The following WDR76 variants were observed in gnomAD, a reference collection of about 807,000 sequenced individuals.
The protein encoded by WDR76 is WD repeat domain 76.
A neutral mutation model predicts 70.2 loss-of-function variants in WDR76; 52 were observed. That is an observed-to-expected ratio of 0.74 (90% confidence interval 0.59 to 0.93). WDR76 has a LOEUF of 0.93. WDR76 is among the 40% of genes least tolerant of loss of function. The pLI, the probability that WDR76 is intolerant of heterozygous loss-of-function variation, is 0.00. For missense variants in WDR76, 756 were observed against 760.2 expected, an observed-to-expected ratio of 0.99 and a Z score of 0.07; for synonymous variants, 292 against 271.1, an observed-to-expected ratio of 1.08 and a Z score of -0.76.
rs67060323 is a variant in WDR76 at position 43,835,660 on chromosome 15, C to CT, written c.553-486dup. ...GATTCTAAGGCATTATTTTTTTTGT[C>CT]TTTTTTTTTTTTTTTGAGACGGAGT... On this transcript the variant is annotated intron_variant, in intron 3 of 12. Transcript: ENST00000263795. Among the ~76,000 whole-genome samples, 712 of 140,692 alleles carry CT rather than the reference C, an allele frequency of 5.1e-3. 3 individuals are homozygous for CT. Among genetic ancestry groups the CT allele is most frequent in the African/African-American group, 0.014 (525 of 38,396 alleles). The allele number at this position is 140,692 out of a possible 152,430, so 92.3% of individuals were successfully genotyped here. A position where few individuals can be genotyped will look rare whatever the true frequency, so the allele number is the denominator to read the frequency against.
chr15:43,862,308 A>T (rs1211926097), intron 12 of WDR76, among the ~76,000 whole-genome samples: 56 of 56,906 alleles, frequency 9.8e-4, no homozygotes, highest in East Asian at 1.9e-3. Flanking sequence ...CAGGTCCACA[A>T]TTTTTTTTTT....
intron 2 of WDR76, among the ~76,000 whole-genome samples, chr15:43,828,761 CATAA>C (rs1019161646): frequency 1.3e-5 from 2 of 152,034 alleles, no homozygotes; most frequent in African/African-American, 4.8e-5. Context: ...GGTAGGGAAA[CATAA>C]ATTGATTCTA....
In WDR76 at chr15:43,855,160, A is replaced by T. The variant is rs185095245; in HGVS notation, c.1192-1786A>T. 2.6e-5 allele frequency among the ~76,000 whole-genome samples: 4 copies of T among 152,320 alleles called. No homozygotes were observed. The East Asian group carries it at 7.7e-4, about 29-fold the overall frequency. ...TTTTACCTAGAGTAACAGTTTTAAG[A>T]TGCGTTCATGCTATTGCATATATTC... On this transcript the variant is annotated intron_variant, in intron 9 of 12. Transcript: ENST00000263795.
At chr15:43,845,421 G>A (rs1020079429) in intron 8 of WDR76, among the ~76,000 whole-genome samples, 5 of 150,070 alleles carry the variant, frequency 3.3e-5, no homozygotes, top group African/African-American at 1.2e-4. Flanking sequence ...AGAAACCCAG[G>A]AGAGACCACT....
chr15:43,866,136 CTT>C lies in WDR76; in HGVS notation c.1627_1628del (p.Phe543HisfsTer15), dbSNP rs1304889854. 1.2e-6 allele frequency: 2 copies of C among 1,614,158 alleles called. No homozygotes were observed. The highest frequency in any genetic ancestry group is 1.7e-6 in the Non-Finnish European group (2 of 1,179,976). ...ATTGTTTTCCTCACTAGGCACAACA[CTT>C]TCACTGGGCGATGGCTGACCAGGTT... is the stretch of plus-strand genomic sequence containing the variant. On this transcript the variant is annotated frameshift_variant, in exon 13 of 13. Coordinates refer to ENST00000263795, the MANE Select transcript of WDR76 (RefSeq NM_024908.4). LOFTEE classifies it high-confidence loss of function.
intron 4 of WDR76, 117 bp downstream of exon 4, chr15:43,836,333 A>G: frequency 1.3e-6 from 1 of 786,522 alleles, no homozygotes. Context: ...ATTTAATCTC[A>G]GTCCCTCTAG....
intron 6 of WDR76, 23 bp downstream of exon 6, chr15:43,842,539 G>A (rs1182048291): frequency 1.9e-5 from 30 of 1,608,734 alleles, no homozygotes; most frequent in Admixed American, 3.4e-5. Context: ...AAGGCCAATA[G>A]CCTTTAGAAT....
intron 1 of WDR76, among the ~76,000 whole-genome samples, chr15:43,827,757 G>C (rs772052581): frequency 3.3e-5 from 5 of 152,134 alleles, no homozygotes; most frequent in African/African-American, 2.4e-5. Flanking sequence ...ATGTTAGCCA[G>C]GATGGTCTCG....
intron 8 of WDR76, among the ~76,000 whole-genome samples, chr15:43,848,864 G>T (rs1230068461): frequency 6.6e-6 from 1 of 151,986 alleles, no homozygotes; most frequent in Non-Finnish European, 1.5e-5. Context: ...CTTGAACCCG[G>T]GAGGCAGAGG....
intron 2 of WDR76, among the ~76,000 whole-genome samples, chr15:43,829,757 C>T (rs998675213): frequency 6.6e-6 from 1 of 151,908 alleles, no homozygotes; most frequent in Non-Finnish European, 1.5e-5. Context: ...CCGCCCGCCT[C>T]GGCCTCCCAA....
At chr15:43,834,044 C>A (rs925740605) in intron 2 of WDR76, among the ~76,000 whole-genome samples, 1 of 152,092 alleles carries the variant, frequency 6.6e-6, no homozygotes, top group African/African-American at 2.4e-5. Flanking sequence ...TTTGTCTTTT[C>A]TGTTCATGTG....
intron 2 of WDR76, among the ~76,000 whole-genome samples, chr15:43,834,755 C>T (rs1301381066): frequency 2.0e-5 from 3 of 152,078 alleles, no homozygotes; most frequent in Non-Finnish European, 4.4e-5. Flanking sequence ...CCAAAAATAA[C>T]TTTTGTGTAA....
chr15:43,866,228 C>T lies in WDR76; in HGVS notation c.1717C>T (p.Arg573Trp), dbSNP rs2088068548. Reference protein sequence around the residue: ...VIVGSMAHPRRVEIFHETGKR... With the variant: ...VIVGSMAHPRWVEIFHETGKR... Reference sequence around the variant, plus strand: ...AGTTGGCAGCATGGCCCATCCACGACGGGTAGAAATCTTCCATGAGACAGG... The same window carrying T: ...AGTTGGCAGCATGGCCCATCCACGATGGGTAGAAATCTTCCATGAGACAGG... Residue 573 changes from arginine to tryptophan, a missense_variant, in exon 13 of 13, where the codon CGG becomes TGG. Arg to Trp is a moderately radical substitution (Grantham distance 101). Transcript: ENST00000263795. 1.8e-5 allele frequency: 29 copies of T among 1,614,136 alleles called. No homozygotes were observed. Among genetic ancestry groups the T allele is most frequent in the Non-Finnish European group, 2.3e-5 (27 of 1,180,026 alleles).
At chr15:43,849,501 TCA>T (rs1280038500) in intron 8 of WDR76, among the ~76,000 whole-genome samples, 1 of 152,212 alleles carries the variant, frequency 6.6e-6, no homozygotes, top group Admixed American at 6.5e-5. Flanking sequence ...GTCTATAATC[TCA>T]GTGTTTCAAT....
At chr15:43,830,290 C>T (rs1191512481) in intron 2 of WDR76, among the ~76,000 whole-genome samples, 1 of 151,912 alleles carries the variant, frequency 6.6e-6, no homozygotes, top group African/African-American at 2.4e-5. Flanking sequence ...AAGTCAGGCT[C>T]GGTGGCTCAC....
Position 43,846,280 on chromosome 15 carries a change from CTT to C in WDR76, c.1032+2239_1032+2240del, listed in dbSNP as rs36022657. ...GAACTGGAGAAGCATTGGATAGAGA[CTT>C]TTTTTTTTTTTTCCCGCCCCTGAGA... On this transcript the variant is annotated intron_variant, in intron 8 of 12. Transcript: ENST00000263795. Among the ~76,000 whole-genome samples the C allele has an allele frequency of 2.1e-3, 287 of 139,094 alleles. 9 individuals carry two copies. The highest frequency in any genetic ancestry group is 2.8e-3 in the Admixed American group (39 of 14,054). 91.3% of individuals were successfully genotyped at this position (139,094 alleles called of 152,430 possible). A position where few individuals can be genotyped will look rare whatever the true frequency, so the allele number is the denominator to read the frequency against.
At chr15:43,861,819 A>T (rs1272990587) in intron 12 of WDR76, among the ~76,000 whole-genome samples, 1 of 149,058 alleles carries the variant, frequency 6.7e-6, no homozygotes, top group African/African-American at 2.5e-5. Context: ...AACTACTTTG[A>T]ATGTATTTGT....
intron 5 of WDR76, among the ~76,000 whole-genome samples, chr15:43,841,344 C>T (rs537829437): frequency 6.6e-6 from 1 of 151,960 alleles, no homozygotes; most frequent in South Asian, 2.1e-4. Context: ...CTATAGGCAC[C>T]TGCCACCACG....
chr15:43,830,562 C>CA (rs1244207750), intron 2 of WDR76, among the ~76,000 whole-genome samples: 2,120 of 48,616 alleles, frequency 0.044, 50 homozygotes, highest in East Asian at 0.093. Context: ...AACTCCGTCT[C>CA]AAAAAAAAAA....
Sources: allele counts gnomAD v4.1 joint callset (sites outside exome capture counted in the v4.1 genomes callset), GRCh38; gene constraint gnomAD v4.1.1; transcripts MANE v1.5; gene names NCBI Gene and HGNC (gene_info 2026-07-23, HGNC 2026-07-21).